FOCAD: variants seen among roughly 807,000 people sequenced by gnomAD.
FOCAD encodes KIAA1797.
Under a neutral mutation model 225.6 loss-of-function variants are expected in FOCAD, and 198 were observed. The ratio of observed to expected loss-of-function variants is 0.88; its 90% CI spans 0.78 to 0.99. FOCAD has a LOEUF of 0.99. FOCAD is among the 50% of genes least tolerant of loss of function. FOCAD has a pLI of 0.00. For synonymous variants in FOCAD, 897 were observed against 755.0 expected (o/e 1.19, Z -3.08); for missense variants, 2,713 against 2,123.6 (o/e 1.28, Z -5.46).
At chr9:20,931,912 A>G (rs868717003) in intron 27 of FOCAD, among the ~76,000 whole-genome samples, 1,946 of 151,964 alleles carry the variant, frequency 0.013, 48 homozygotes, top group African/African-American at 0.044. Flanking sequence ...CAAAAAAAAA[A>G]AAAAAAAGGG....
At chr9:20,953,160 A>T in intron 35 of FOCAD, 95 bp downstream of exon 35, 1 of 984,668 alleles carries the variant, frequency 1.0e-6, no homozygotes. Context: ...GAATCAAGCA[A>T]TATAAATCTG....
chr9:20,946,661 C>T (rs763993875), intron 29 of FOCAD, 40 bp from the exon 30 acceptor site: 43 of 1,568,276 alleles, frequency 2.7e-5, no homozygotes, highest in Non-Finnish European at 3.7e-5. Context: ...TTTTATTTTT[C>T]CTCCTGAAGA....
At chr9:20,709,353 T>G (rs1824647924) in intron 1 of FOCAD, among the ~76,000 whole-genome samples, 1 of 152,148 alleles carries the variant, frequency 6.6e-6, no homozygotes, top group African/African-American at 2.4e-5. Flanking sequence ...TGGATTATAT[T>G]GTTACTGGTT....
chr9:20,662,750 A>G (rs1587172894), intron 2 of FOCAD, among the ~76,000 whole-genome samples: 1 of 152,318 alleles, frequency 6.6e-6, no homozygotes, highest in East Asian at 1.9e-4. Flanking sequence ...GCACCCAGCC[A>G]GATATTTATC....
At chr9:20,791,444 A>T (rs1356660438) in intron 11 of FOCAD, among the ~76,000 whole-genome samples, 2 of 152,196 alleles carry the variant, frequency 1.3e-5, no homozygotes, top group Non-Finnish European at 2.9e-5. Context: ...GGTAATTAAT[A>T]GTATATCCAT....
intron 11 of FOCAD, among the ~76,000 whole-genome samples, chr9:20,815,717 G>C (rs948711185): frequency 5.9e-5 from 9 of 152,190 alleles, no homozygotes; most frequent in Admixed American, 5.9e-4. Context: ...GCCAGATCTT[G>C]AGACAGTCAA....
intron 1 of FOCAD, among the ~76,000 whole-genome samples, chr9:20,691,876 C>T (rs971245934): frequency 7.2e-5 from 11 of 152,140 alleles, no homozygotes; most frequent in African/African-American, 2.7e-4. Context: ...CGGGTTCAAG[C>T]GATTCTCCTG....
At chr9:20,938,241 A>G (rs893251100) in intron 28 of FOCAD, among the ~76,000 whole-genome samples, 1 of 152,212 alleles carries the variant, frequency 6.6e-6, no homozygotes, top group Non-Finnish European at 1.5e-5. Flanking sequence ...TATATACCCA[A>G]AGGTTTATAA....
intron 1 of FOCAD, among the ~76,000 whole-genome samples, chr9:20,711,022 T>A (rs1824803239): frequency 6.6e-6 from 1 of 152,210 alleles, no homozygotes; most frequent in South Asian, 2.1e-4. Flanking sequence ...CAGACTTGAG[T>A]AGTTGCTCTC....
intron 35 of FOCAD, among the ~76,000 whole-genome samples, chr9:20,969,365 G>A (rs920208986): frequency 6.6e-6 from 1 of 151,984 alleles, no homozygotes; most frequent in Non-Finnish European, 1.5e-5. Context: ...AGTATTGAAG[G>A]TAGAGTATTG....
chr9:20,953,154 C>T, intron 35 of FOCAD, 89 bp downstream of exon 35: 8 of 1,041,938 alleles, frequency 7.7e-6, no homozygotes, highest in Non-Finnish European at 1.0e-5. Context: ...TCTGTAGAAT[C>T]AAGCAATATA....
intron 15 of FOCAD, among the ~76,000 whole-genome samples, chr9:20,834,740 G>A (rs1316643261): frequency 6.6e-6 from 1 of 151,986 alleles, no homozygotes; most frequent in Non-Finnish European, 1.5e-5. Context: ...AAAGGGACAG[G>A]AGGAAATTTT....
At chr9:20,959,198 T>G (rs1019806858) in intron 35 of FOCAD, among the ~76,000 whole-genome samples, 1 of 152,162 alleles carries the variant, frequency 6.6e-6, no homozygotes. Flanking sequence ...CAGCATTTGC[T>G]GTTTTTTGTT....
At chr9:20,757,756 G>A (rs1243116773) in intron 5 of FOCAD, among the ~76,000 whole-genome samples, 1 of 152,084 alleles carries the variant, frequency 6.6e-6, no homozygotes, top group Non-Finnish European at 1.5e-5. Context: ...AGGAATGAAG[G>A]ATCAAGGGGA....
chr9:20,918,350 C>G (rs1200418615), intron 24 of FOCAD, among the ~76,000 whole-genome samples: 1 of 152,202 alleles, frequency 6.6e-6, no homozygotes, highest in African/African-American at 2.4e-5. Flanking sequence ...CAAAGTATCA[C>G]TTCGTGACTA....
chr9:20,741,873 T>A (rs980976383), intron 5 of FOCAD, among the ~76,000 whole-genome samples: 1 of 152,092 alleles, frequency 6.6e-6, no homozygotes, highest in South Asian at 2.1e-4. Flanking sequence ...AGAAAATAAT[T>A]CAATTTAGTT....
chr9:20,950,765 C>T (rs1007682457), intron 33 of FOCAD, among the ~76,000 whole-genome samples: 9 of 152,106 alleles, frequency 5.9e-5, no homozygotes, highest in African/African-American at 2.2e-4. Flanking sequence ...TACTTTCTGC[C>T]ATGATTAAAT....
intron 11 of FOCAD, among the ~76,000 whole-genome samples, chr9:20,816,035 A>G (rs993430760): frequency 8.5e-5 from 13 of 152,150 alleles, no homozygotes; most frequent in African/African-American, 3.1e-4. Flanking sequence ...TATTAAGTCT[A>G]AGATTATTTA....
chr9:20,832,473 C>T (rs1053335226), intron 15 of FOCAD, among the ~76,000 whole-genome samples: 4 of 151,688 alleles, frequency 2.6e-5, no homozygotes, highest in South Asian at 2.1e-4. Context: ...GATACAGGCA[C>T]GCAACATGAA....
Sources: gnomAD v4.1 joint callset for allele counts (sites outside exome capture counted in the v4.1 genomes callset) on GRCh38, gnomAD v4.1.1 for gene constraint, MANE v1.5 for transcripts, NCBI Gene and HGNC (gene_info 2026-07-23, HGNC 2026-07-21) for gene names.